Variants in RAD51B observed in about 807,000 individuals in gnomAD.
The protein encoded by RAD51B is RAD51 paralog B.
A neutral mutation model predicts 42.2 loss-of-function variants in RAD51B; 38 were observed. The ratio of observed to expected loss-of-function variants is 0.90; its 90% CI spans 0.70 to 1.18. The LOEUF is 1.18. Ranked by LOEUF, RAD51B falls within the 50% of genes most tolerant of loss-of-function variation. RAD51B has a pLI of 0.00. For missense variants in RAD51B, 373 were observed against 400.7 expected (o/e 0.93, Z 0.59); for synonymous variants, 154 against 145.2 (o/e 1.06, Z -0.43).
chr14:68,151,838 T>TCC (rs2078392562), intron 7 of RAD51B, among the ~76,000 whole-genome samples: 1 of 97,068 alleles, frequency 1.0e-5, no homozygotes, highest in African/African-American at 5.8e-5. Flanking sequence ...TTTTTTTTTT[T>TCC]TTTTTTTTTT....
chr14:68,295,375 A>C (rs990237974), intron 8 of RAD51B, among the ~76,000 whole-genome samples: 1 of 152,188 alleles, frequency 6.6e-6, no homozygotes, highest in East Asian at 1.9e-4. Flanking sequence ...CAGCAACACA[A>C]AAACAAAGAA....
chr14:68,272,366 A>G (rs1416649213), intron 7 of RAD51B, among the ~76,000 whole-genome samples: 1 of 152,028 alleles, frequency 6.6e-6, no homozygotes, highest in African/African-American at 2.4e-5. Flanking sequence ...ACACCCACTA[A>G]GTGGACGACC....
intron 7 of RAD51B, among the ~76,000 whole-genome samples, chr14:67,937,795 A>C (rs1230491452): frequency 6.8e-6 from 1 of 146,126 alleles, no homozygotes; most frequent in Non-Finnish European, 1.5e-5. Flanking sequence ...TTGATATTGA[A>C]ATACAATGGT....
intron 5 of RAD51B, among the ~76,000 whole-genome samples, chr14:67,882,569 A>G (rs1000859318): frequency 6.6e-6 from 1 of 152,234 alleles, no homozygotes; most frequent in African/African-American, 2.4e-5. Flanking sequence ...GAACTTGGAT[A>G]GGTTTACATA....
chr14:68,540,642 C>A (rs1887914979), intron 10 of RAD51B: 1 of 985,258 alleles, frequency 1.0e-6, no homozygotes, highest in East Asian at 1.1e-4. Context: ...CCTGGGGAGA[C>A]CTGAAACAAT....
intron 7 of RAD51B, among the ~76,000 whole-genome samples, chr14:68,277,444 G>A (rs1329014836): frequency 6.6e-6 from 1 of 152,110 alleles, no homozygotes; most frequent in Non-Finnish European, 1.5e-5. Context: ...TCCCCTTCAG[G>A]ATCAAGGAAT....
intron 9 of RAD51B, among the ~76,000 whole-genome samples, chr14:68,442,395 A>G (rs1341614621): frequency 6.9e-6 from 1 of 144,910 alleles, no homozygotes; most frequent in African/African-American, 2.6e-5. Context: ...ACCTTAACAA[A>G]TCCTATTTCT....
intron 7 of RAD51B, among the ~76,000 whole-genome samples, chr14:68,071,329 T>A (rs570260957): frequency 1.5e-3 from 230 of 152,310 alleles, no homozygotes; most frequent in South Asian, 7.0e-3. Flanking sequence ...AGAGTGAGCA[T>A]CCTTGTCTTG....
intron 7 of RAD51B, among the ~76,000 whole-genome samples, chr14:67,926,558 CTTTTTTTTTTTTT>C (rs534207569): frequency 2.3e-5 from 2 of 85,112 alleles, no homozygotes; most frequent in South Asian, 8.4e-4. Flanking sequence ...GATATGTTTC[CTTTTTTTTTTTTT>C]TTTTTTTTTT....
At chr14:68,370,899 T>C (rs1485872221) in intron 8 of RAD51B, among the ~76,000 whole-genome samples, 1 of 151,218 alleles carries the variant, frequency 6.6e-6, no homozygotes. Context: ...TAGCCGGACG[T>C]GGTGGCACAC....
chr14:68,040,587 A>C lies in RAD51B; in HGVS notation c.756+153383A>C, dbSNP rs190879864. Among the ~76,000 whole-genome samples the C allele has an allele frequency of 4.5e-4, 68 of 152,312 alleles. 1 individual carries two copies. The highest frequency in any genetic ancestry group is 4.4e-3 in the Admixed American group (68 of 15,298). ...TATTGTGCTAGTGATGATAATAGCT[A>C]GGCATTAAGTTAAATTGTCTTGTTT... On this transcript the variant is annotated intron_variant, in intron 7 of 10. Transcript: ENST00000471583.
intron 7 of RAD51B, among the ~76,000 whole-genome samples, chr14:68,274,598 A>G (rs1280424151): frequency 6.6e-6 from 1 of 152,236 alleles, no homozygotes; most frequent in Non-Finnish European, 1.5e-5. Context: ...TGGTTGTTAT[A>G]TCCTTTTACT....
rs1222660254 is a variant in RAD51B, at chr14:68,637,855, G to T, written c.1037-12926G>T. ...ACTTGCACACACAGGCAGCCTGCTGGGACCATTCATTTAGAGGCCCCCACA... is the reference window on the plus strand; with the variant it reads ...ACTTGCACACACAGGCAGCCTGCTGTGACCATTCATTTAGAGGCCCCCACA... On this transcript the variant is annotated intron_variant, in intron 10 of 11. Coordinates refer to the RAD51B transcript ENST00000488612. Among the ~76,000 whole-genome samples, 3 of 152,154 alleles carry T rather than the reference G, an allele frequency of 2.0e-5. No homozygotes were observed. In the East Asian group the frequency reaches 5.8e-4, roughly 29 times the overall value.
chr14:67,821,861 C>G lies in RAD51B; in HGVS notation c.-2-1681C>G, dbSNP rs555601913. On this transcript the variant is annotated intron_variant, in intron 1 of 10. Transcript: ENST00000471583. ...CTACCTGATCTGAAAAGACACTAGG[C>G]AATATTATAGCAGGTATCACTTGGT... Among the ~76,000 whole-genome samples the G allele has an allele frequency of 2.0e-5, 3 of 152,072 alleles. No homozygotes were observed. The South Asian group carries it at 6.2e-4, about 32-fold the overall frequency.
chr14:68,520,698 A>T (rs1237340578), intron 10 of RAD51B, among the ~76,000 whole-genome samples: 1 of 152,154 alleles, frequency 6.6e-6, no homozygotes, highest in Non-Finnish European at 1.5e-5. Context: ...CCATTCAACA[A>T]ATACATAGTG....
At chr14:67,862,358 A>G (rs2042191152) in intron 4 of RAD51B, among the ~76,000 whole-genome samples, 1 of 151,830 alleles carries the variant, frequency 6.6e-6, no homozygotes, top group African/African-American at 2.4e-5. Context: ...AACTGCTCAG[A>G]TGTGATTTGT....
intron 7 of RAD51B, among the ~76,000 whole-genome samples, chr14:67,965,670 A>G (rs1484506235): frequency 6.6e-6 from 1 of 151,974 alleles, no homozygotes; most frequent in Admixed American, 6.6e-5. Flanking sequence ...ACGCACACAC[A>G]CATGTACATT....
chr14:67,981,759 A>T (rs180843261), intron 7 of RAD51B, among the ~76,000 whole-genome samples: 2 of 152,312 alleles, frequency 1.3e-5, no homozygotes, highest in African/African-American at 4.8e-5. Flanking sequence ...AAAATGAAAA[A>T]TAATTCATAC....
intron 7 of RAD51B, among the ~76,000 whole-genome samples, chr14:67,953,074 G>T (rs532550933): frequency 6.6e-6 from 1 of 152,202 alleles, no homozygotes; most frequent in African/African-American, 2.4e-5. Flanking sequence ...TGTCCTCAGA[G>T]AACTTATCTA....
Sources: allele counts gnomAD v4.1 joint callset (sites outside exome capture counted in the v4.1 genomes callset), GRCh38; gene constraint gnomAD v4.1.1; transcripts MANE v1.5; gene names NCBI Gene and HGNC (gene_info 2026-07-23, HGNC 2026-07-21).